The following RAB22A variants were observed in gnomAD, a reference collection of about 807,000 sequenced individuals.
RAB22A encodes the protein RAB22A, member RAS oncogene family.
A neutral mutation model predicts 30.2 loss-of-function variants in RAB22A; 13 were observed. The ratio of observed to expected loss-of-function variants is 0.43; its 90% CI spans 0.28 to 0.68. The LOEUF (loss-of-function observed/expected upper bound fraction) is 0.68, where lower values mean the gene tolerates loss of function less well. Among genes scored for constraint, RAB22A ranks in the 30% least tolerant of loss-of-function variants. The pLI, the probability that RAB22A is intolerant of heterozygous loss-of-function variation, is 0.18. For synonymous variants in RAB22A, 89 were observed against 87.2 expected, an observed-to-expected ratio of 1.02 and a Z score of -0.11; for missense variants, 177 against 246.8, an observed-to-expected ratio of 0.72 and a Z score of 1.89.
At chr20:58,354,359 T>G in intron 6 of RAB22A, 94 bp downstream of exon 6, 1 of 805,718 alleles carries the variant, frequency 1.2e-6, no homozygotes, top group Non-Finnish European at 1.9e-6. Context: ...CTTAGAGCAG[T>G]CTAGTCTCTG....
chr20:58,352,209 CAAATT>C (rs944555756), intron 3 of RAB22A, among the ~76,000 whole-genome samples: 5 of 152,034 alleles, frequency 3.3e-5, no homozygotes, highest in Non-Finnish European at 5.9e-5. Flanking sequence ...TCGTAAAACT[CAAATT>C]AATACGAAAT....
rs1987235499 is a variant in RAB22A at position 58,362,004 on chromosome 20, C to G, written c.*2301C>G. 6.6e-6 allele frequency: 1 copy of G among 152,130 alleles called. No individual in the cohort carries two copies. Among genetic ancestry groups the G allele is most frequent in the African/African-American group, 2.4e-5 (1 of 41,418 alleles). The allele number at this position is 152,130 out of a possible 1,614,324, so 9.4% of individuals were successfully genotyped here. On this transcript the variant is annotated 3_prime_UTR_variant, in exon 7 of 7. Transcript: ENST00000244040. ...GATTTCATGATTTCTCACCCTCCCT[C>G]CCATATGTAGGGTGTGATTCTGTTT... is the stretch of plus-strand genomic sequence containing the variant.
Position 58,322,720 on chromosome 20 carries a change from C to T in RAB22A, c.116+11598C>T, listed in dbSNP as rs193301190. Among the ~76,000 whole-genome samples, 6 of 152,318 alleles carry T rather than the reference C, an allele frequency of 3.9e-5. No homozygotes were observed. The East Asian group carries it at 1.2e-3, about 29-fold the overall frequency. On this transcript the variant is annotated intron_variant, in intron 2 of 6. Coordinates refer to ENST00000244040, the MANE Select transcript of RAB22A (RefSeq NM_020673.3). ...CTCGCAAGAGCGTCCTTCTGTTTCC[C>T]TTCTCCCAGGCTTTGTGCTGCTGTG...
intron 2 of RAB22A, among the ~76,000 whole-genome samples, chr20:58,329,413 G>C (rs764045603): frequency 3.9e-5 from 6 of 152,076 alleles, no homozygotes; most frequent in Non-Finnish European, 8.8e-5. Context: ...TTTTCTTTCA[G>C]CACTTTACTG....
At chr20:58,346,394 C>T (rs903891510) in intron 3 of RAB22A, among the ~76,000 whole-genome samples, 2 of 152,204 alleles carry the variant, frequency 1.3e-5, no homozygotes, top group African/African-American at 2.4e-5. Context: ...AGGCCTCCCC[C>T]GGGGCTCCTC....
chr20:58,326,410 T>G lies in RAB22A; in HGVS notation c.116+15288T>G, dbSNP rs141568947. On this transcript the variant is annotated intron_variant, in intron 2 of 6. Coordinates refer to ENST00000244040, the MANE Select transcript of RAB22A (RefSeq NM_020673.3). ...AAATGCAATAACACAGTATATAATC[T>G]TTGGTGTCTTGATTTCTTTTTCATG... Among the ~76,000 whole-genome samples the G allele has an allele frequency of 2.7e-3, 404 of 152,306 alleles. 1 individual carries two copies. The highest frequency in any genetic ancestry group is 9.2e-3 in the African/African-American group (384 of 41,564).
At chr20:58,352,396 G>A (rs1369056208) in intron 3 of RAB22A, among the ~76,000 whole-genome samples, 1 of 152,154 alleles carries the variant, frequency 6.6e-6, no homozygotes, top group Non-Finnish European at 1.5e-5. Context: ...ATCATAAGTA[G>A]GGGTCAGGCT....
At chr20:58,343,097 G>A (rs537808651) in intron 2 of RAB22A, among the ~76,000 whole-genome samples, 29 of 152,282 alleles carry the variant, frequency 1.9e-4, no homozygotes, top group African/African-American at 6.7e-4. Context: ...AGGCCCCAAG[G>A]TGTGATGTTG....
At chr20:58,357,200 A>T (rs1362362341) in intron 6 of RAB22A, among the ~76,000 whole-genome samples, 3 of 152,196 alleles carry the variant, frequency 2.0e-5, no homozygotes, top group Non-Finnish European at 4.4e-5. Context: ...CTCCATTTTC[A>T]TGACAGTTAA....
chr20:58,346,891 C>T (rs1986958706), intron 3 of RAB22A, among the ~76,000 whole-genome samples: 1 of 152,202 alleles, frequency 6.6e-6, no homozygotes, highest in South Asian at 2.1e-4. Flanking sequence ...CCTTACCTGT[C>T]TGCCTTTCAT....
In RAB22A at chr20:58,309,929, CT is replaced by C; in HGVS notation, c.-46del. ...TGCTCTTGCTGGGCCTGGCCTCTCCCTTCTCAACTTAGGGCGGCGGCGGGCC... is the reference window on the plus strand; with the variant it reads ...TGCTCTTGCTGGGCCTGGCCTCTCCCTCTCAACTTAGGGCGGCGGCGGGCC... On this transcript the variant is annotated 5_prime_UTR_variant, in exon 1 of 7. The change abolishes the stop of an existing upstream ORF in the 5' untranslated region. Transcript: ENST00000244040. 1 of 1,257,120 alleles carries C rather than the reference CT, an allele frequency of 8.0e-7. No homozygotes were observed. The highest frequency in any genetic ancestry group is 3.6e-5 in the South Asian group (1 of 27,560). 77.9% of individuals were successfully genotyped at this position (1,257,120 alleles called of 1,614,324 possible).
chr20:58,346,077 CA>C lies in RAB22A; in HGVS notation c.198+2279del, dbSNP rs550518222. 2.6e-5 allele frequency: 4 copies of C among 152,438 alleles called. No individual in the cohort carries two copies. In the East Asian group the frequency reaches 7.8e-4, roughly 30 times the overall value. 9.4% of individuals were successfully genotyped at this position (152,438 alleles called of 1,614,324 possible). A position where few individuals can be genotyped will look rare whatever the true frequency, so the allele number is the denominator to read the frequency against. Reference sequence around the variant, plus strand: ...TGGCCTCAGTGCTGGACACCTTCTCCACCCAGGTGTCCTGACAGCTTCATTC... The same window carrying C: ...TGGCCTCAGTGCTGGACACCTTCTCCCCCAGGTGTCCTGACAGCTTCATTC... On this transcript the variant is annotated intron_variant, in intron 3 of 6. Transcript: ENST00000244040.
intron 3 of RAB22A, among the ~76,000 whole-genome samples, chr20:58,351,259 C>G (rs1987043776): frequency 6.6e-6 from 1 of 151,262 alleles, no homozygotes; most frequent in Non-Finnish European, 1.5e-5. Flanking sequence ...TTGCTTGAAC[C>G]CGGCAGGCAG....
intron 2 of RAB22A, 85 bp downstream of exon 2, chr20:58,311,207 G>A: frequency 4.8e-6 from 6 of 1,243,252 alleles, no homozygotes; most frequent in Non-Finnish European, 5.9e-6. Flanking sequence ...TAGGCCCTGC[G>A]CTTTGTAGTC....
rs1987248220 is a variant in RAB22A, at chr20:58,362,798, T to A, written c.*3095T>A. The A allele has an allele frequency of 6.6e-6, 1 of 152,214 alleles. No individual in the cohort carries two copies. The highest frequency in any genetic ancestry group is 2.1e-4 in the South Asian group (1 of 4,834). 9.4% of individuals were successfully genotyped at this position (152,214 alleles called of 1,614,324 possible). On this transcript the variant is annotated 3_prime_UTR_variant, in exon 7 of 7. Transcript: ENST00000244040. The stretch of plus-strand genomic sequence containing the variant: ...ATTTTCTTGTGACCCGTTTATGATG[T>A]TGTTTGAAGTCCCTGTTTCCCATTG...
chr20:58,313,054 C>G (rs1166122122), intron 2 of RAB22A, among the ~76,000 whole-genome samples: 1 of 152,124 alleles, frequency 6.6e-6, no homozygotes, highest in East Asian at 1.9e-4. Context: ...AGCTGAAAAC[C>G]TAAAATCCAC....
At chr20:58,329,116 C>T (rs1010407788) in intron 2 of RAB22A, among the ~76,000 whole-genome samples, 5 of 150,406 alleles carry the variant, frequency 3.3e-5, no homozygotes, top group African/African-American at 1.2e-4. Context: ...TGCAGTGGCG[C>T]TATCTCGGCT....
intron 2 of RAB22A, among the ~76,000 whole-genome samples, chr20:58,336,564 T>G (rs1201570902): frequency 6.6e-6 from 1 of 152,208 alleles, no homozygotes; most frequent in East Asian, 1.9e-4. Context: ...ACTGGTAGGT[T>G]TTAAATTTTA....
intron 2 of RAB22A, among the ~76,000 whole-genome samples, chr20:58,317,183 G>A (rs1160733544): frequency 6.6e-6 from 1 of 151,902 alleles, no homozygotes; most frequent in Non-Finnish European, 1.5e-5. Context: ...TGCAACCTCC[G>A]CCTCCCAGGT....
Sources: allele counts gnomAD v4.1 joint callset (sites outside exome capture counted in the v4.1 genomes callset), GRCh38; gene constraint gnomAD v4.1.1; transcripts MANE v1.5; gene names NCBI Gene and HGNC (gene_info 2026-07-23, HGNC 2026-07-21).